MEGF10: variants seen among roughly 807,000 people sequenced by gnomAD.
The protein encoded by MEGF10 is multiple EGF like domains 10.
A neutral mutation model predicts 147.5 loss-of-function variants in MEGF10; 86 were observed. The ratio of observed to expected loss-of-function variants is 0.58; its 90% CI spans 0.49 to 0.70. The LOEUF (loss-of-function observed/expected upper bound fraction) is 0.70, where lower values mean the gene tolerates loss of function less well. Ranked by LOEUF, MEGF10 falls within the 30% of genes least tolerant of loss-of-function variation. The pLI is 0.00. For synonymous variants in MEGF10, 478 were observed against 525.5 expected, an observed-to-expected ratio of 0.91 and a Z score of 1.24; for missense variants, 1,329 against 1,487.3, an observed-to-expected ratio of 0.89 and a Z score of 1.75.
chr5:127,378,651 C>T (rs1281718393), intron 5 of MEGF10, among the ~76,000 whole-genome samples: 1 of 152,098 alleles, frequency 6.6e-6, no homozygotes, highest in Non-Finnish European at 1.5e-5. Flanking sequence ...CAGGGTCTCC[C>T]CATGTCTCCC....
At chr5:127,354,477 TTG>T (rs1271939434) in intron 4 of MEGF10, among the ~76,000 whole-genome samples, 3 of 152,162 alleles carry the variant, frequency 2.0e-5, no homozygotes, top group South Asian at 4.2e-4. Flanking sequence ...GCCTGGAACA[TTG>T]TGTTTAGAAG....
chr5:127,233,320 T>C, the MEGF10 span, among the ~76,000 whole-genome samples: 2 of 152,192 alleles, frequency 1.3e-5, no homozygotes, highest in Non-Finnish European at 2.9e-5. Flanking sequence ...CTTCCTGGTA[T>C]AGGGCAGTAG....
intron 4 of MEGF10, among the ~76,000 whole-genome samples, chr5:127,345,858 T>C (rs535042423): frequency 6.6e-6 from 1 of 152,246 alleles, no homozygotes; most frequent in East Asian, 1.9e-4. Context: ...TCCCACGCTT[T>C]CCCTTAAGTC....
chr5:127,259,258 A>G, the MEGF10 span, among the ~76,000 whole-genome samples: 1 of 152,178 alleles, frequency 6.6e-6, no homozygotes, highest in African/African-American at 2.4e-5. Flanking sequence ...GTTCTGTATA[A>G]TTGGGATATA....
At chr5:127,242,811 G>T in the MEGF10 span, among the ~76,000 whole-genome samples, 1 of 152,062 alleles carries the variant, frequency 6.6e-6, no homozygotes, top group Non-Finnish European at 1.5e-5. Context: ...TTTGATCTCC[G>T]TTGCCCCCAG....
intron 5 of MEGF10, among the ~76,000 whole-genome samples, chr5:127,396,217 C>T (rs949756333): frequency 7.2e-5 from 11 of 152,216 alleles, no homozygotes; most frequent in African/African-American, 2.7e-4. Flanking sequence ...GAGCTCTTCC[C>T]CTAGCCCACT....
intron 1 of MEGF10, among the ~76,000 whole-genome samples, chr5:127,303,713 G>C (rs1016497522): frequency 3.3e-5 from 5 of 152,182 alleles, no homozygotes; most frequent in African/African-American, 1.2e-4. Context: ...GACAAATGTA[G>C]TTGAAAAGTT....
chr5:127,258,226 G>A, the MEGF10 span, among the ~76,000 whole-genome samples: 2 of 152,164 alleles, frequency 1.3e-5, no homozygotes, highest in Admixed American at 6.6e-5. Flanking sequence ...GTTAGCATCA[G>A]TCATTCTCTC....
intron 4 of MEGF10, among the ~76,000 whole-genome samples, chr5:127,350,395 T>C (rs1037009475): frequency 1.3e-5 from 2 of 152,174 alleles, no homozygotes; most frequent in African/African-American, 2.4e-5. Context: ...TGTCTGTTAA[T>C]GTCTGTTCCC....
chr5:127,239,458 T>A, the MEGF10 span, among the ~76,000 whole-genome samples: 1 of 140,776 alleles, frequency 7.1e-6, no homozygotes, highest in African/African-American at 2.6e-5. Context: ...ATATTATATA[T>A]AAAATATATA....
chr5:127,448,129 G>A (rs979824191), intron 21 of MEGF10, among the ~76,000 whole-genome samples: 3 of 152,134 alleles, frequency 2.0e-5, no homozygotes, highest in Non-Finnish European at 2.9e-5. Context: ...TCCAGTACCC[G>A]TTCCTGGCCA....
At chr5:127,237,678 G>A in the MEGF10 span, among the ~76,000 whole-genome samples, 1 of 152,002 alleles carries the variant, frequency 6.6e-6, no homozygotes, top group Non-Finnish European at 1.5e-5. Context: ...AAGCCCAGAC[G>A]GGACTGTTTA....
rs976152163 is a variant in MEGF10, at chr5:127,298,903, T to C, written c.-19+7847T>C. Among the ~76,000 whole-genome samples, 9 of 152,128 alleles carry C rather than the reference T, an allele frequency of 5.9e-5. 1 individual carries two copies. The highest frequency in any genetic ancestry group is 2.2e-4 in the African/African-American group (9 of 41,430). ...CCCCAAGGAAACAGACACACTTAAA[T>C]CAGAGAGACAAAGAAAGGAGGTCAA... On this transcript the variant is annotated intron_variant, in intron 1 of 24. Transcript: ENST00000503335.
At chr5:127,246,676 T>A in the MEGF10 span, among the ~76,000 whole-genome samples, 1 of 150,236 alleles carries the variant, frequency 6.7e-6, no homozygotes, top group Non-Finnish European at 1.5e-5. Context: ...GTTGTGAAAC[T>A]AAGTGAAATT....
At chr5:127,397,732 A>G (rs923292608) in intron 6 of MEGF10, among the ~76,000 whole-genome samples, 2 of 152,182 alleles carry the variant, frequency 1.3e-5, no homozygotes, top group Admixed American at 1.3e-4. Flanking sequence ...ATGGGTTTTC[A>G]TCAAGACCAC....
chr5:127,404,132 A>G (rs1288468864), intron 8 of MEGF10, among the ~76,000 whole-genome samples: 1 of 151,986 alleles, frequency 6.6e-6, no homozygotes, highest in African/African-American at 2.4e-5. Context: ...GATATAAGCC[A>G]TTTTTAACTG....
the MEGF10 span, among the ~76,000 whole-genome samples, chr5:127,250,065 T>C: frequency 1.3e-5 from 2 of 152,096 alleles, no homozygotes; most frequent in African/African-American, 4.8e-5. Flanking sequence ...GGTAATTAAG[T>C]TTCCAACACA....
intron 1 of MEGF10, among the ~76,000 whole-genome samples, chr5:127,315,697 T>C (rs1278046234): frequency 1.3e-5 from 2 of 151,982 alleles, no homozygotes; most frequent in Non-Finnish European, 2.9e-5. Context: ...TCCATTCAGT[T>C]TGGGAGGTTG....
chr5:127,404,268 C>G (rs1001564875), intron 8 of MEGF10, among the ~76,000 whole-genome samples: 16 of 151,996 alleles, frequency 1.1e-4, no homozygotes, highest in Non-Finnish European at 1.5e-4. Context: ...TGTCTTCTTT[C>G]AAGAAATGTC....
Sources: allele counts gnomAD v4.1 joint callset (sites outside exome capture counted in the v4.1 genomes callset), GRCh38; gene constraint gnomAD v4.1.1; transcripts MANE v1.5; gene names NCBI Gene and HGNC (gene_info 2026-07-23, HGNC 2026-07-21).